Variants in RAI1 observed in about 807,000 individuals in gnomAD.
The protein encoded by RAI1 is retinoic acid-induced protein 1.
In RAI1, 9 loss-of-function variants were observed where a neutral mutation model predicts 123.8. The ratio of observed to expected loss-of-function variants is 0.07; its 90% CI spans 0.04 to 0.13. The LOEUF is 0.13. Among genes scored for constraint, RAI1 ranks in the 10% least tolerant of loss-of-function variants. RAI1 has a pLI of 1.00. For synonymous variants in RAI1, 1,231 were observed against 1,127.3 expected, an observed-to-expected ratio of 1.09 and a Z score of -1.84; for missense variants, 2,256 against 2,545.8, an observed-to-expected ratio of 0.89 and a Z score of 2.45.
At position 17,734,262 on chromosome 17, in the gene RAI1, G is replaced by A. The variant is rs534436805; in HGVS notation, c.-17+10103G>A. Among the ~76,000 whole-genome samples, 8 of 150,880 alleles carry A rather than the reference G, an allele frequency of 5.3e-5. No homozygotes were observed. The East Asian group carries it at 1.6e-3, about 29-fold the overall frequency. On this transcript the variant is annotated intron_variant, in intron 2 of 5. Transcript: ENST00000353383. ...CGACCAAAAGGGGGCTTGGCATAGCGAGACCCTCTCTCTACAATTTTTTTT... is the reference window on the plus strand; with the variant it reads ...CGACCAAAAGGGGGCTTGGCATAGCAAGACCCTCTCTCTACAATTTTTTTT...
At chr17:17,713,900 T>C (rs1044766113) in intron 1 of RAI1, among the ~76,000 whole-genome samples, 2 of 152,044 alleles carry the variant, frequency 1.3e-5, no homozygotes, top group African/African-American at 4.8e-5. Flanking sequence ...ACTTGGGAGG[T>C]TGGGAGCAGG....
chr17:17,798,514 G>GT lies in RAI1; in HGVS notation c.5565+2dup. Reference sequence around the variant, plus strand: ...GGCCATGAAGGTGGCCGTGGACATGGTAAGAGGCCAGCCCAGCCAGGGTGG... The same window carrying GT: ...GGCCATGAAGGTGGCCGTGGACATGGTTAAGAGGCCAGCCCAGCCAGGGTGG... On this transcript the variant is annotated splice_donor_variant, in intron 3 of 5. Coordinates refer to ENST00000353383, the MANE Select transcript of RAI1 (RefSeq NM_030665.4). 1 of 1,599,824 alleles carries GT rather than the reference G, an allele frequency of 6.3e-7. No homozygotes were observed. Among genetic ancestry groups the GT allele is most frequent in the Non-Finnish European group, 8.5e-7 (1 of 1,179,850 alleles).
intron 2 of RAI1, among the ~76,000 whole-genome samples, chr17:17,745,679 G>C (rs1471166124): frequency 1.3e-5 from 2 of 152,214 alleles, no homozygotes; most frequent in Non-Finnish European, 2.9e-5. Flanking sequence ...TTATAGGCAT[G>C]ACCAACCACA....
intron 2 of RAI1, among the ~76,000 whole-genome samples, chr17:17,762,404 G>A (rs1443621448): frequency 2.6e-5 from 4 of 151,986 alleles, no homozygotes; most frequent in South Asian, 4.2e-4. Context: ...GGAGCGGGGT[G>A]GGAAATGAAG....
intron 2 of RAI1, among the ~76,000 whole-genome samples, chr17:17,755,941 G>A (rs942536008): frequency 3.3e-5 from 5 of 152,172 alleles, no homozygotes; most frequent in Non-Finnish European, 4.4e-5. Flanking sequence ...CCAGCTGGCC[G>A]CTCTTTGCAG....
intron 2 of RAI1, among the ~76,000 whole-genome samples, chr17:17,787,388 C>T (rs1436168305): frequency 6.6e-6 from 1 of 152,170 alleles, no homozygotes; most frequent in Non-Finnish European, 1.5e-5. Context: ...CACCCTTTTT[C>T]CCTTTTCTTC....
intron 2 of RAI1, among the ~76,000 whole-genome samples, chr17:17,784,621 G>A (rs1021102486): frequency 6.6e-6 from 1 of 152,200 alleles, no homozygotes; most frequent in Admixed American, 6.5e-5. Flanking sequence ...CAGGAGAGGG[G>A]GGGTGTAGGC....
At chr17:17,774,782 T>C (rs764913113) in intron 2 of RAI1, among the ~76,000 whole-genome samples, 1 of 152,242 alleles carries the variant, frequency 6.6e-6, no homozygotes, top group Non-Finnish European at 1.5e-5. Flanking sequence ...CTGCCCAGCA[T>C]TGGTCTGGCA....
chr17:17,716,481 T>C (rs1248909709), intron 1 of RAI1, among the ~76,000 whole-genome samples: 1 of 152,268 alleles, frequency 6.6e-6, no homozygotes, highest in South Asian at 2.1e-4. Flanking sequence ...CAGATGTATA[T>C]GCCCATGTTT....
chr17:17,786,433 AGAG>A (rs1355325772), intron 2 of RAI1, among the ~76,000 whole-genome samples: 2 of 152,234 alleles, frequency 1.3e-5, no homozygotes, highest in East Asian at 3.8e-4. Flanking sequence ...TTTGTTCTAA[AGAG>A]GAGACCAATA....
intron 1 of RAI1, among the ~76,000 whole-genome samples, chr17:17,686,398 G>C (rs1914635289): frequency 6.6e-6 from 1 of 152,068 alleles, no homozygotes; most frequent in Non-Finnish European, 1.5e-5. Context: ...GGCTCATCCT[G>C]TTCCCCAGTG....
rs765584734 is a variant in RAI1, at chr17:17,797,697, C to G, written c.4749C>G (p.Cys1583Trp). 3 of 1,613,526 alleles carry G rather than the reference C, an allele frequency of 1.9e-6. No individual in the cohort carries two copies. Among genetic ancestry groups the G allele is most frequent in the Non-Finnish European group, 2.5e-6 (3 of 1,179,674 alleles). Reference protein sequence around the residue: ...PEIRLKYISSCKRLRSDSRTP... With the variant: ...PEIRLKYISSWKRLRSDSRTP... ...TCCGCCTCAAGTACATTTCCTCTTG[C>G]AAGCGGCTGAGGTCAGACAGCCGGA... The change falls in exon 3 of 6, where the codon TGC (cysteine) becomes TGG (tryptophan). Residue 1583 changes from cysteine to tryptophan, a missense_variant. This residue lies in a region of RAI1 where 410 missense variants were observed against 374.6 expected (regional missense o/e 1.09). Coordinates refer to ENST00000353383, the MANE Select transcript of RAI1 (RefSeq NM_030665.4).
chr17:17,793,433 C>T lies in RAI1; in HGVS notation c.485C>T (p.Ala162Val). ...AGCAGGCAGTATGCAGAGCAGGGCGCCCAGGTGCCCTTTCGGACTCACTCC... is the reference window on the plus strand; with the variant it reads ...AGCAGGCAGTATGCAGAGCAGGGCGTCCAGGTGCCCTTTCGGACTCACTCC... The part of the protein sequence containing the change: ...PPSRQYAEQG[A>V]QVPFRTHSLH... Residue 162 changes from alanine (A) to valine (V), a missense_variant, in exon 3 of 6, where the codon GCC becomes GTC. This residue lies in a region of RAI1 where 336 missense variants were observed against 349.8 expected (regional missense o/e 0.96). Transcript: ENST00000353383. The T allele has an allele frequency of 6.2e-7, 1 of 1,613,342 alleles. No homozygotes were observed. Among genetic ancestry groups the T allele is most frequent in the Non-Finnish European group, 8.5e-7 (1 of 1,179,692 alleles).
At position 17,797,110 on chromosome 17, in the gene RAI1, G is replaced by C; in HGVS notation, c.4162G>C (p.Gly1388Arg). ...VEEGLVNVGTGQKLPTSGADP... is the reference protein window; with the variant it reads ...VEEGLVNVGTRQKLPTSGADP... ...AGAAGGCCTGGTAAATGTGGGCACC[G>C]GGCAGAAGCTCCCAACTTCTGGGGC... The change falls in exon 3 of 6, where the codon GGG (glycine) becomes CGG (arginine). Residue 1388 changes from glycine to arginine, a missense_variant. By Grantham distance (125) the Gly-to-Arg change is moderately radical. Around this residue, in one of 7 missense-constraint regions of RAI1, gnomAD observed 410 missense variants for 374.6 expected, o/e 1.09. Transcript: ENST00000353383. 6.2e-7 allele frequency: 1 copy of C among 1,614,024 alleles called. No individual in the cohort carries two copies. The highest frequency in any genetic ancestry group is 2.2e-5 in the East Asian group (1 of 44,886).
intron 1 of RAI1, among the ~76,000 whole-genome samples, chr17:17,694,867 C>A (rs1914966212): frequency 6.6e-6 from 1 of 151,850 alleles, no homozygotes; most frequent in Admixed American, 6.6e-5. Context: ...CTGGCGGATC[C>A]CGGGTCTTTT....
Position 17,795,779 on chromosome 17 carries a change from C to A in RAI1, c.2831C>A (p.Ser944Tyr). The A allele has an allele frequency of 6.2e-7, 1 of 1,613,636 alleles. No individual in the cohort carries two copies. Among genetic ancestry groups the A allele is most frequent in the Middle Eastern group, 1.6e-4 (1 of 6,062 alleles). Residue 944 changes from serine (S) to tyrosine (Y), a missense_variant, in exon 3 of 6, where the codon TCC becomes TAC. By Grantham distance (144) the Ser-to-Tyr change is moderately radical. Around this residue, in one of 7 missense-constraint regions of RAI1, gnomAD observed 566 missense variants for 616.0 expected, o/e 0.92. Coordinates refer to ENST00000353383, the MANE Select transcript of RAI1 (RefSeq NM_030665.4). This position sits in a 1 kb window ranked among gnomAD's most constrained non-coding sequence, Gnocchi z 5.9. ...TCAAAGGTCCAGAGCTGGTTTGAGTCCTCTCTGTCACACATGAAGCCAGGT... is the reference window on the plus strand; with the variant it reads ...TCAAAGGTCCAGAGCTGGTTTGAGTACTCTCTGTCACACATGAAGCCAGGT... ...TESKVQSWFE[S>Y]SLSHMKPGEE...
At position 17,795,583 on chromosome 17, in the gene RAI1, G is replaced by C. The variant is rs1292895359; in HGVS notation, c.2635G>C (p.Gly879Arg). 4.3e-6 allele frequency: 7 copies of C among 1,612,366 alleles called. No homozygotes were observed. The highest frequency in any genetic ancestry group is 2.5e-6 in the Non-Finnish European group (3 of 1,179,476). ...EEYSSLCELL[G>R]SPEQRPGMQD... ...GTACTCCTCCCTATGTGAGCTCCTG[G>C]GCAGCCCCGAGCAGAGGCCTGGCAT... The change falls in exon 3 of 6, where the codon GGC becomes CGC. Residue 879 changes from glycine to arginine, a missense_variant. Physicochemically the swap from Gly to Arg is moderately radical, Grantham distance 125. This residue lies in a region of RAI1 where 566 missense variants were observed against 616.0 expected (regional missense o/e 0.92). Transcript: ENST00000353383. This position sits in a 1 kb window ranked among gnomAD's most constrained non-coding sequence, Gnocchi z 5.9.
intron 1 of RAI1, among the ~76,000 whole-genome samples, chr17:17,691,706 G>A (rs188211458): frequency 6.6e-6 from 1 of 152,148 alleles, no homozygotes; most frequent in African/African-American, 2.4e-5. Flanking sequence ...GAGGTGGGGA[G>A]AAGGCAAAAG....
At chr17:17,778,606 T>C (rs1352406797) in intron 2 of RAI1, 1 of 396,010 alleles carries the variant, frequency 2.5e-6, no homozygotes, top group South Asian at 1.9e-5. Flanking sequence ...TGGGGGCAGA[T>C]GGTGGCTCCT....
Sources: allele counts gnomAD v4.1 joint callset (sites outside exome capture counted in the v4.1 genomes callset), GRCh38; gene constraint gnomAD v4.1.1; regional missense constraint gnomAD v4.1.1; non-coding constraint Gnocchi (gnomAD v3.1); transcripts MANE v1.5; gene names NCBI Gene and HGNC (gene_info 2026-07-23, HGNC 2026-07-21).